Variants in SLC14A2 observed in about 807,000 individuals in gnomAD.
The protein encoded by SLC14A2 is urea transporter 2.
In SLC14A2, 91 loss-of-function variants were observed where a neutral mutation model predicts 104.6. That is an observed-to-expected ratio of 0.87 (90% CI 0.73 to 1.04). The LOEUF (loss-of-function observed/expected upper bound fraction) is 1.04, where lower values mean the gene tolerates loss of function less well. Among genes scored for constraint, SLC14A2 ranks in the 50% least tolerant of loss-of-function variants. The pLI is 0.00. For missense variants in SLC14A2, 1,189 were observed against 1,156.0 expected (o/e 1.03, Z -0.41); for synonymous variants, 476 against 466.4 (o/e 1.02, Z -0.27).
intron 2 of SLC14A2, among the ~76,000 whole-genome samples, chr18:45,606,473 C>A: frequency 6.6e-6 from 1 of 152,212 alleles, no homozygotes; most frequent in Middle Eastern, 3.4e-3. Context: ...AGAGCCACTA[C>A]CTCCAAGGCC....
chr18:45,654,441 G>C (rs1398306814), intron 10 of SLC14A2, among the ~76,000 whole-genome samples: 2 of 152,132 alleles, frequency 1.3e-5, no homozygotes, highest in African/African-American at 4.8e-5. Flanking sequence ...AAATCAAAAG[G>C]AGCCCAGGTA....
At position 45,479,659 on chromosome 18, in the gene SLC14A2, A is replaced by G. The variant is rs1038451147; in HGVS notation, c.-124-3574A>G. ...TTTTCCTAGTCTGGTGTCTAGCCTC[A>G]GTTTTTATGGATGTATTTTGAATTT... On this transcript the variant is annotated intron_variant, in intron 1 of 20. Transcript: ENST00000586448. Among the ~76,000 whole-genome samples the G allele has an allele frequency of 1.6e-4, 24 of 152,286 alleles. No homozygotes were observed. The East Asian group carries it at 3.3e-3, about 21-fold the overall frequency.
intron 2 of SLC14A2, among the ~76,000 whole-genome samples, chr18:45,538,850 C>CTTTTTT (rs61475766): frequency 7.6e-5 from 8 of 105,262 alleles, no homozygotes; most frequent in African/African-American, 1.1e-4. Context: ...TCCCCCTTCC[C>CTTTTTT]TTTTTTTTTT....
intron 2 of SLC14A2, among the ~76,000 whole-genome samples, chr18:45,569,280 C>G (rs1441632000): frequency 6.6e-6 from 1 of 152,232 alleles, no homozygotes; most frequent in Non-Finnish European, 1.5e-5. Context: ...TTCTCTCTTT[C>G]TACTGGTTTC....
At chr18:45,518,869 T>C (rs1300124185) in intron 2 of SLC14A2, among the ~76,000 whole-genome samples, 1 of 152,214 alleles carries the variant, frequency 6.6e-6, no homozygotes, top group Non-Finnish European at 1.5e-5. Context: ...GCAAGCAAGC[T>C]GTTTTGCACA....
chr18:45,673,851 A>G (rs1568005383), intron 18 of SLC14A2, 34 bp downstream of exon 18: 1 of 1,597,026 alleles, frequency 6.3e-7, no homozygotes, highest in East Asian at 2.3e-5. Flanking sequence ...TGTTTCCTTT[A>G]TAAAAGGCTT....
chr18:45,367,714 A>G (rs750257952), intron 1 of SLC14A2, among the ~76,000 whole-genome samples: 1 of 152,086 alleles, frequency 6.6e-6, no homozygotes. Context: ...TATTTACACC[A>G]TGGAAACCAG....
chr18:45,333,378 T>C (rs886531176), intron 1 of SLC14A2, among the ~76,000 whole-genome samples: 1 of 152,194 alleles, frequency 6.6e-6, no homozygotes, highest in Admixed American at 6.5e-5. Context: ...AGAAAAGAGA[T>C]ACTTGGGAAA....
At chr18:45,215,801 G>A (rs1055187067) in intron 1 of SLC14A2, among the ~76,000 whole-genome samples, 30 of 152,050 alleles carry the variant, frequency 2.0e-4, no homozygotes, top group African/African-American at 3.1e-4. Context: ...TCCCAGTACC[G>A]GTTCTTTTTA....
At chr18:45,284,085 T>C (rs938324656) in intron 1 of SLC14A2, among the ~76,000 whole-genome samples, 2 of 152,372 alleles carry the variant, frequency 1.3e-5, no homozygotes, top group South Asian at 4.1e-4. Context: ...TATTTTTAAA[T>C]GTGACTGTAA....
the SLC14A2 span, among the ~76,000 whole-genome samples, chr18:45,169,451 T>A: frequency 7.0e-4 from 106 of 152,200 alleles, no homozygotes; most frequent in Admixed American, 6.9e-3. Flanking sequence ...TCCTGCCTCT[T>A]GCCTCCTGCC....
At chr18:45,345,881 T>C (rs1227532222) in intron 1 of SLC14A2, among the ~76,000 whole-genome samples, 1 of 152,198 alleles carries the variant, frequency 6.6e-6, no homozygotes, top group Admixed American at 6.5e-5. Flanking sequence ...ATTTACTAGG[T>C]AATGCCAGCT....
At chr18:45,514,296 G>A in intron 2 of SLC14A2, among the ~76,000 whole-genome samples, 1 of 152,136 alleles carries the variant, frequency 6.6e-6, no homozygotes, top group East Asian at 1.9e-4. Context: ...TGACTGACGG[G>A]AGAGAGATAG....
At chr18:45,386,181 G>A (rs187066499) in intron 1 of SLC14A2, among the ~76,000 whole-genome samples, 1 of 152,308 alleles carries the variant, frequency 6.6e-6, no homozygotes, top group East Asian at 1.9e-4. Context: ...AGGAGTCCCA[G>A]ATGAGAAGCT....
At chr18:45,548,548 A>G (rs775868898) in intron 2 of SLC14A2, among the ~76,000 whole-genome samples, 2 of 152,134 alleles carry the variant, frequency 1.3e-5, no homozygotes, top group South Asian at 4.1e-4. Flanking sequence ...TACAAAAAAT[A>G]AAAAAATTAG....
At chr18:45,589,357 G>A (rs373665215) in intron 2 of SLC14A2, among the ~76,000 whole-genome samples, 3 of 152,126 alleles carry the variant, frequency 2.0e-5, no homozygotes, top group Non-Finnish European at 2.9e-5. Context: ...ATGAATATAC[G>A]TGTATGTCTT....
At chr18:45,216,354 G>T (rs750176059) in intron 1 of SLC14A2, among the ~76,000 whole-genome samples, 29 of 152,118 alleles carry the variant, frequency 1.9e-4, no homozygotes, top group Non-Finnish European at 4.0e-4. Context: ...CTGGGACAAG[G>T]GGGTGCCTGT....
chr18:45,607,815 C>T (rs2044896047), intron 2 of SLC14A2, among the ~76,000 whole-genome samples: 1 of 152,364 alleles, frequency 6.6e-6, no homozygotes, highest in South Asian at 2.1e-4. Flanking sequence ...GGAAGATCCA[C>T]TCTCAAAGTT....
chr18:45,243,539 G>C (rs1490626744), intron 1 of SLC14A2, among the ~76,000 whole-genome samples: 1 of 152,180 alleles, frequency 6.6e-6, no homozygotes, highest in African/African-American at 2.4e-5. Flanking sequence ...GAGTTATTTA[G>C]AAAAACATCA....
Sources: allele counts gnomAD v4.1 joint callset (sites outside exome capture counted in the v4.1 genomes callset), GRCh38; gene constraint gnomAD v4.1.1; transcripts MANE v1.5; gene names NCBI Gene and HGNC (gene_info 2026-07-23, HGNC 2026-07-21).